The following WDR86 variants were observed in gnomAD, a reference collection of about 807,000 sequenced individuals.
The protein encoded by WDR86 is WD repeat domain 86.
WDR86 carries 30 observed loss-of-function variants against 36.5 expected under a neutral mutation model. That is an observed-to-expected ratio of 0.82 (90% CI 0.61 to 1.11). The LOEUF (loss-of-function observed/expected upper bound fraction) is 1.11, where lower values mean the gene tolerates loss of function less well. Among genes scored for constraint, WDR86 ranks in the 50% most tolerant of loss-of-function variants. The probability of loss-of-function intolerance (pLI) is 0.00; values close to 1 mark genes in which losing one functional copy is unlikely to be tolerated. For synonymous variants in WDR86, 255 were observed against 252.9 expected (o/e 1.01, Z -0.08); for missense variants, 545 against 561.2 (o/e 0.97, Z 0.29).
chr7:151,369,032 G>C, the WDR86 span: 6 of 938,394 alleles, frequency 6.4e-6, no homozygotes, highest in Non-Finnish European at 9.0e-6. Context: ...TCTTGAGACA[G>C]AGTCTCACTT....
At chr7:151,370,882 T>G in the WDR86 span, among the ~76,000 whole-genome samples, 3 of 152,254 alleles carry the variant, frequency 2.0e-5, no homozygotes, top group African/African-American at 7.2e-5. Flanking sequence ...ATGAGATCAT[T>G]TGGAAAACAG....
chr7:151,390,879 G>A lies in WDR86; in HGVS notation c.726+4897C>T, dbSNP rs559298229. Among the ~76,000 whole-genome samples the A allele has an allele frequency of 1.3e-5, 2 of 152,370 alleles. No individual in the cohort carries two copies. The highest frequency in any genetic ancestry group is 4.8e-5 in the African/African-American group (2 of 41,586). Reference sequence around the variant, plus strand: ...CAAAGCAGAAGGGCGGGTGCCCGGGGCATGGAAGAGCAGCGGGGAGTCAGT... The same window carrying A: ...CAAAGCAGAAGGGCGGGTGCCCGGGACATGGAAGAGCAGCGGGGAGTCAGT... On this transcript the variant is annotated intron_variant, in intron 3 of 5. Transcript: ENST00000334493. This position sits in a 1 kb window ranked among gnomAD's most constrained non-coding sequence, Gnocchi z 4.5.
In WDR86 at chr7:151,381,346, G is replaced by A; in HGVS notation, c.*236C>T. The A allele has an allele frequency of 1.4e-6, 2 of 1,402,454 alleles. No individual in the cohort carries two copies. The highest frequency in any genetic ancestry group is 1.8e-6 in the Non-Finnish European group (2 of 1,087,438). The allele number at this position is 1,402,454 out of a possible 1,614,324, so 86.9% of individuals were successfully genotyped here. On this transcript the variant is annotated 3_prime_UTR_variant, in exon 6 of 6. Coordinates refer to ENST00000334493, the MANE Select transcript of WDR86 (RefSeq NM_198285.3). The surrounding 1 kb of genome is among the most constrained non-coding windows in gnomAD (Gnocchi z 4.8). ...CGCCAGGTCAGGGATGGGGAGGGAG[G>A]ACAGGAGCCACCCTAAAAGGGAAAA...
At chr7:151,374,773 A>G, downstream of WDR86, 1 of 169,652 alleles carries the variant, frequency 5.9e-6, no homozygotes, top group Non-Finnish European at 1.3e-5. Context: ...AAGCATATCG[A>G]ATCCTCAGTA....
chr7:151,408,194 CTTTTCTTTTTTTT>C (rs1209891163), intron 1 of WDR86, among the ~76,000 whole-genome samples: 3 of 124,672 alleles, frequency 2.4e-5, no homozygotes, highest in Non-Finnish European at 3.4e-5. Context: ...TTTTTCTTTT[CTTTTCTTTTTTTT>C]TTTTTTTTAG....
intron 2 of WDR86, among the ~76,000 whole-genome samples, chr7:151,397,487 G>A (rs1224719008): frequency 6.6e-6 from 1 of 152,172 alleles, no homozygotes; most frequent in East Asian, 1.9e-4. Flanking sequence ...GCAGTGGCAC[G>A]ATCTCGGCTC....
downstream of WDR86, chr7:151,374,405 G>A (rs745819236): frequency 1.8e-5 from 17 of 931,784 alleles, no homozygotes; most frequent in African/African-American, 3.3e-5. Context: ...CCAGACACAG[G>A]CTGCGTGAGG....
In WDR86 at chr7:151,405,693, G is replaced by A. The variant is rs905035231; in HGVS notation, c.163+3734C>T. Among the ~76,000 whole-genome samples the A allele has an allele frequency of 2.0e-4, 30 of 152,180 alleles. No individual in the cohort carries two copies. Among genetic ancestry groups the A allele is most frequent in the African/African-American group, 7.2e-4 (30 of 41,446 alleles). On this transcript the variant is annotated intron_variant, in intron 1 of 5. Transcript: ENST00000334493. The surrounding 1 kb of genome is among the most constrained non-coding windows in gnomAD (Gnocchi z 4.7). ...GTCAGTTGCCCCCAAGCTGTGTGAG[G>A]CTGCTGTGGCTCTTGTCACCAGCGT...
At position 151,405,963 on chromosome 7, in the gene WDR86, G is replaced by C. The variant is rs1335752267; in HGVS notation, c.163+3464C>G. Among the ~76,000 whole-genome samples, 3 of 152,148 alleles carry C rather than the reference G, an allele frequency of 2.0e-5. No individual in the cohort carries two copies. The highest frequency in any genetic ancestry group is 7.2e-5 in the African/African-American group (3 of 41,412). ...AGGATAGGATAGGTACTACCATTTT[G>C]GAAAATGTCACTCATCTCATTGAAC... is the stretch of plus-strand genomic sequence containing the variant. On this transcript the variant is annotated intron_variant, in intron 1 of 5. Transcript: ENST00000334493. The surrounding 1 kb of genome is among the most constrained non-coding windows in gnomAD (Gnocchi z 4.7).
downstream of WDR86, chr7:151,374,354 G>T: frequency 7.4e-7 from 1 of 1,349,200 alleles, no homozygotes; most frequent in East Asian, 2.5e-5. Context: ...GGGCTGCCCC[G>T]TCATCCGGAT....
Position 151,381,608 on chromosome 7 carries a change from C to A in WDR86, c.1105G>T (p.Ala369Ser). ...SRLFSNKVGC[A>S]AAPLQPA The stretch of plus-strand genomic sequence containing the variant: ...CAGGCCGGCTGCAGGGGCGCGGCGG[C>A]GCAGCCCACCTTGTTGCTGAAGAGC... The change falls in exon 6 of 6, where the codon GCC becomes TCC. Residue 369 changes from alanine to serine, a missense_variant. Coordinates refer to ENST00000334493, the MANE Select transcript of WDR86 (RefSeq NM_198285.3). This position sits in a 1 kb window ranked among gnomAD's most constrained non-coding sequence, Gnocchi z 4.8. 7.3e-7 allele frequency: 1 copy of A among 1,374,162 alleles called. No individual in the cohort carries two copies. Among genetic ancestry groups the A allele is most frequent in the Non-Finnish European group, 9.3e-7 (1 of 1,074,410 alleles). 85.1% of individuals were successfully genotyped at this position (1,374,162 alleles called of 1,614,324 possible).
chr7:151,407,523 C>T (rs531635306), intron 1 of WDR86, among the ~76,000 whole-genome samples: 1 of 152,294 alleles, frequency 6.6e-6, no homozygotes, highest in South Asian at 2.1e-4. Flanking sequence ...GTGCATAAGA[C>T]CCACCCAAAA....
intron 1 of WDR86, among the ~76,000 whole-genome samples, chr7:151,403,505 CT>C (rs1800482461): frequency 6.6e-6 from 1 of 152,190 alleles, no homozygotes; most frequent in Non-Finnish European, 1.5e-5. Context: ...CCCCGACCCC[CT>C]GAGTTTAAGT....
At chr7:151,394,097 G>A (rs927208632) in intron 3 of WDR86, among the ~76,000 whole-genome samples, 4 of 152,084 alleles carry the variant, frequency 2.6e-5, no homozygotes, top group Non-Finnish European at 5.9e-5. Context: ...CTGTGAGATG[G>A]GCCCGGACTG....
downstream of WDR86, among the ~76,000 whole-genome samples, chr7:151,374,961 C>T (rs1039889961): frequency 2.0e-5 from 3 of 146,454 alleles, no homozygotes; most frequent in Admixed American, 6.9e-5. Flanking sequence ...GCTGGGGCAG[C>T]GCGGCGGGCA....
downstream of WDR86, chr7:151,374,190 G>C: frequency 6.4e-7 from 1 of 1,573,182 alleles, no homozygotes; most frequent in Non-Finnish European, 8.6e-7. Flanking sequence ...CTCCACGCAC[G>C]CGGCCCAGCA....
At chr7:151,389,807 G>A (rs1563050656) in intron 3 of WDR86, among the ~76,000 whole-genome samples, 1 of 152,172 alleles carries the variant, frequency 6.6e-6, no homozygotes. Flanking sequence ...ATAGACCACG[G>A]GTCAGTGACC....
chr7:151,381,151 T>C lies in WDR86; in HGVS notation c.*431A>G. The C allele has an allele frequency of 2.4e-6, 3 of 1,241,688 alleles. No homozygotes were observed. Among genetic ancestry groups the C allele is most frequent in the Non-Finnish European group, 3.0e-6 (3 of 994,828 alleles). The allele number at this position is 1,241,688 out of a possible 1,614,324, so 76.9% of individuals were successfully genotyped here. On this transcript the variant is annotated 3_prime_UTR_variant, in exon 6 of 6. Coordinates refer to ENST00000334493, the MANE Select transcript of WDR86 (RefSeq NM_198285.3). The surrounding 1 kb of genome is among the most constrained non-coding windows in gnomAD (Gnocchi z 4.8). ...TTAACGTTCAGGCTGTATATTTCAG[T>C]TCCCCCCAAGGCCCTCGAGACGGAC...
intron 3 of WDR86, among the ~76,000 whole-genome samples, chr7:151,387,699 G>A (rs1330356497): frequency 1.3e-5 from 2 of 152,250 alleles, no homozygotes; most frequent in South Asian, 2.1e-4. Context: ...CCGCAGGGGT[G>A]GGAGAAGGCT....
Sources: gnomAD v4.1 joint callset for allele counts (sites outside exome capture counted in the v4.1 genomes callset) on GRCh38, gnomAD v4.1.1 for gene constraint, Gnocchi (gnomAD v3.1) non-coding constraint, MANE v1.5 for transcripts, NCBI Gene and HGNC (gene_info 2026-07-23, HGNC 2026-07-21) for gene names.